Variants in RLN3 observed in about 807,000 individuals in gnomAD.
RLN3 encodes relaxin-3.
A neutral mutation model predicts 10.2 loss-of-function variants in RLN3; 13 were observed. The observed-to-expected ratio is 1.28, with a 90% confidence interval of 0.83 to 2.03. The LOEUF (loss-of-function observed/expected upper bound fraction) is 2.03, where lower values mean the gene tolerates loss of function less well. Ranked by LOEUF, RLN3 falls within the 30% of genes most tolerant of loss-of-function variation. The probability of loss-of-function intolerance (pLI) is 0.00; values close to 1 mark genes in which losing one functional copy is unlikely to be tolerated. For synonymous variants in RLN3, 56 were observed against 79.2 expected, an observed-to-expected ratio of 0.71 and a Z score of 1.56; for missense variants, 191 against 187.2, an observed-to-expected ratio of 1.02 and a Z score of -0.12.
chr19:14,028,570 G>C (rs79308192), intron 1 of RLN3, among the ~76,000 whole-genome samples, 176 bp downstream of exon 1: 8,430 of 151,846 alleles, frequency 0.056, 259 homozygotes, highest in Middle Eastern at 0.095. Flanking sequence ...CAGAGCTGCA[G>C]AGCTGGGATG....
rs762230196 is a variant in RLN3, at chr19:14,030,855, G to A, written c.336G>A (p.Gly112=). 1.2e-6 allele frequency: 2 copies of A among 1,612,720 alleles called. No homozygotes were observed. Among genetic ancestry groups the A allele is most frequent in the Non-Finnish European group, 1.7e-6 (2 of 1,178,940 alleles). The change falls in exon 2 of 2, where the codon GGG becomes GGA. Residue 112 remains glycine (G), a synonymous_variant. Transcript: ENST00000431365. ...GACCCAGCTGGCAAGGAACCCCTGG[G>A]GTTCTTCGGGGCAGCCGAGATGTCC... is the stretch of plus-strand genomic sequence containing the variant. ...RGRPSWQGTP[G]VLRGSRDVLA...
chr19:14,028,273 T>G lies in RLN3; in HGVS notation c.69T>G (p.Ala23=), dbSNP rs767648867. The G allele has an allele frequency of 6.2e-7, 1 of 1,613,558 alleles. No homozygotes were observed. The highest frequency in any genetic ancestry group is 8.5e-7 in the Non-Finnish European group (1 of 1,179,890). ...TGACCGGGGAGCTGTGGCCGGGAGC[T>G]GAGGCCCGGGCAGCGCCTTACGGGG... The part of the protein sequence containing the change: ...WVLTGELWPG[A]EARAAPYGVR... Residue 23 remains alanine, a synonymous_variant, in exon 1 of 2, where the codon GCT becomes GCG. Transcript: ENST00000431365.
Position 14,030,858 on chromosome 19 carries a change from T to A in RLN3, c.339T>A (p.Val113=), listed in dbSNP as rs1975793867. ...CCAGCTGGCAAGGAACCCCTGGGGTTCTTCGGGGCAGCCGAGATGTCCTGG... is the reference window on the plus strand; with the variant it reads ...CCAGCTGGCAAGGAACCCCTGGGGTACTTCGGGGCAGCCGAGATGTCCTGG... The part of the protein sequence containing the change: ...GRPSWQGTPG[V]LRGSRDVLAG... Residue 113 remains valine, a synonymous_variant, in exon 2 of 2, where the codon GTT becomes GTA. Coordinates refer to ENST00000431365, the MANE Select transcript of RLN3 (RefSeq NM_080864.4). 1 of 1,612,194 alleles carries A rather than the reference T, an allele frequency of 6.2e-7. No individual in the cohort carries two copies. The highest frequency in any genetic ancestry group is 1.3e-5 in the African/African-American group (1 of 74,908).
Position 14,028,444 on chromosome 19 carries a change from G to T in RLN3, c.190+50G>T, listed in dbSNP as rs200919037. On this transcript the variant is annotated intron_variant, in intron 1 of 1. Coordinates refer to ENST00000431365, the MANE Select transcript of RLN3 (RefSeq NM_080864.4). Reference sequence around the variant, plus strand: ...TAGAAGGGGAACAGGTGGCTGGATGGGTCCCAGGAGCTAAGGACAGAGATA... The same window carrying T: ...TAGAAGGGGAACAGGTGGCTGGATGTGTCCCAGGAGCTAAGGACAGAGATA... The T allele has an allele frequency of 6.6e-6, 10 of 1,519,930 alleles. No individual in the cohort carries two copies. The Admixed American group carries it at 1.5e-4, about 22-fold the overall frequency. 94.2% of individuals were successfully genotyped at this position (1,519,930 alleles called of 1,614,324 possible). A position where few individuals can be genotyped will look rare whatever the true frequency, so the allele number is the denominator to read the frequency against.
intron 1 of RLN3, among the ~76,000 whole-genome samples, chr19:14,029,547 C>T (rs951434349): frequency 2.6e-5 from 4 of 151,718 alleles, no homozygotes; most frequent in African/African-American, 9.7e-5. Context: ...GAGACAGTTT[C>T]ACCATGTTGG....
At chr19:14,030,214 G>T (rs1975777230) in intron 1 of RLN3, 1 of 699,584 alleles carries the variant, frequency 1.4e-6, no homozygotes, top group African/African-American at 1.8e-5. Context: ...ACTTGAGAAG[G>T]TTGGAGTAAT....
Position 14,030,981 on chromosome 19 carries a change from C to A in RLN3, c.*33C>A. 1 of 1,415,210 alleles carries A rather than the reference C, an allele frequency of 7.1e-7. No homozygotes were observed. The highest frequency in any genetic ancestry group is 9.7e-7 in the Non-Finnish European group (1 of 1,035,192). The allele number at this position is 1,415,210 out of a possible 1,614,324, so 87.7% of individuals were successfully genotyped here. A position where few individuals can be genotyped will look rare whatever the true frequency, so the allele number is the denominator to read the frequency against. ...GCTGGGCAGCCGTGGGCACCAGGAC[C>A]AATGCCCCAGTCCTGCCATCCACTC... On this transcript the variant is annotated 3_prime_UTR_variant, in exon 2 of 2. Transcript: ENST00000431365.
At chr19:14,029,092 G>A (rs1318754643) in intron 1 of RLN3, among the ~76,000 whole-genome samples, 1 of 152,064 alleles carries the variant, frequency 6.6e-6, no homozygotes, top group Non-Finnish European at 1.5e-5. Context: ...GGGAGACACA[G>A]TTCCTGAATC....
At position 14,031,010 on chromosome 19, in the gene RLN3, T is replaced by A; in HGVS notation, c.*62T>A. ...GCCCCAGTCCTGCCATCCACTCAACTAGTGTCTGGCTGGGCACCTGTCTTT... is the reference window on the plus strand; with the variant it reads ...GCCCCAGTCCTGCCATCCACTCAACAAGTGTCTGGCTGGGCACCTGTCTTT... On this transcript the variant is annotated 3_prime_UTR_variant, in exon 2 of 2. Coordinates refer to ENST00000431365, the MANE Select transcript of RLN3 (RefSeq NM_080864.4). 1.7e-6 allele frequency: 2 copies of A among 1,152,794 alleles called. No individual in the cohort carries two copies. Among genetic ancestry groups the A allele is most frequent in the Non-Finnish European group, 2.5e-6 (2 of 802,698 alleles). 71.4% of individuals were successfully genotyped at this position (1,152,794 alleles called of 1,614,324 possible).
Position 14,030,848 on chromosome 19 carries a change from C to T in RLN3, c.329C>T (p.Thr110Ile). 1 of 1,613,156 alleles carries T rather than the reference C, an allele frequency of 6.2e-7. No individual in the cohort carries two copies. The highest frequency in any genetic ancestry group is 8.5e-7 in the Non-Finnish European group (1 of 1,179,282). Reference sequence around the variant, plus strand: ...AGGGGGCGACCCAGCTGGCAAGGAACCCCTGGGGTTCTTCGGGGCAGCCGA... The same window carrying T: ...AGGGGGCGACCCAGCTGGCAAGGAATCCCTGGGGTTCTTCGGGGCAGCCGA... ...FYRGRPSWQGTPGVLRGSRDV... is the reference protein window; with the variant it reads ...FYRGRPSWQGIPGVLRGSRDV... The change falls in exon 2 of 2, where the codon ACC becomes ATC. Residue 110 changes from threonine (T) to isoleucine (I), a missense_variant. Coordinates refer to ENST00000431365, the MANE Select transcript of RLN3 (RefSeq NM_080864.4).
rs765995910 is a variant in RLN3, at chr19:14,028,176, C to T, written c.-29C>T. 6.6e-7 allele frequency: 1 copy of T among 1,522,996 alleles called. No homozygotes were observed. Among genetic ancestry groups the T allele is most frequent in the East Asian group, 2.3e-5 (1 of 43,350 alleles). The allele number at this position is 1,522,996 out of a possible 1,614,324, so 94.3% of individuals were successfully genotyped here. ...AAGAGGCAGCAGAGACACTGGCCCA[C>T]TCTCACGTTCAAAGCATCTCCGTCC... On this transcript the variant is annotated 5_prime_UTR_variant, in exon 1 of 2. Transcript: ENST00000431365.
At chr19:14,030,558 G>A in intron 1 of RLN3, 152 bp from the exon 2 acceptor site, 3 of 769,624 alleles carry the variant, frequency 3.9e-6, no homozygotes, top group South Asian at 1.5e-5. Context: ...CTCTGGCAGA[G>A]CCAGAATTTG....
At position 14,028,250 on chromosome 19, in the gene RLN3, A is replaced by AGCTC; in HGVS notation, c.46_47insGCTC (p.Thr16SerfsTer10). Reference sequence around the variant, plus strand: ...GCTGCTCCTGGCGGTATGGGTGCTGACCGGGGAGCTGTGGCCGGGAGCTGA... The same window carrying AGCTC: ...GCTGCTCCTGGCGGTATGGGTGCTGAGCTCCCGGGGAGCTGTGGCCGGGAGCTGA... On this transcript the variant is annotated frameshift_variant, in exon 1 of 2. Coordinates refer to ENST00000431365, the MANE Select transcript of RLN3 (RefSeq NM_080864.4). LOFTEE classifies it high-confidence loss of function. 6 of 1,612,306 alleles carry AGCTC rather than the reference A, an allele frequency of 3.7e-6. No homozygotes were observed. The highest frequency in any genetic ancestry group is 5.1e-6 in the Non-Finnish European group (6 of 1,179,350).
At chr19:14,030,572 C>T in intron 1 of RLN3, 138 bp from the exon 2 acceptor site, 1 of 832,016 alleles carries the variant, frequency 1.2e-6, no homozygotes. Context: ...GAATTTGAAC[C>T]CAGGACTGGG....
chr19:14,029,633 G>C (rs1975766547), intron 1 of RLN3, among the ~76,000 whole-genome samples: 1 of 151,850 alleles, frequency 6.6e-6, no homozygotes. Context: ...TTACAGGCAT[G>C]AGCCACCGCG....
At position 14,031,510 on chromosome 19, in the gene RLN3, C is replaced by G. The variant is rs1474953289; in HGVS notation, c.*562C>G. The G allele has an allele frequency of 3.2e-6, 1 of 308,972 alleles. No homozygotes were observed. The highest frequency in any genetic ancestry group is 6.8e-5 in the East Asian group (1 of 14,620). 19.1% of individuals were successfully genotyped at this position (308,972 alleles called of 1,614,324 possible). A position where few individuals can be genotyped will look rare whatever the true frequency, so the allele number is the denominator to read the frequency against. On this transcript the variant is annotated 3_prime_UTR_variant, in exon 2 of 2. Coordinates refer to ENST00000431365, the MANE Select transcript of RLN3 (RefSeq NM_080864.4). ...CCCCTAGGAGAGCTCTGGGCACATT[C>G]GAATCTTCCCAAACTCCAATAATAA...
In RLN3 at chr19:14,028,242, G is replaced by A. The variant is rs1290712619; in HGVS notation, c.38G>A (p.Trp13Ter). 6.2e-7 allele frequency: 1 copy of A among 1,610,094 alleles called. No individual in the cohort carries two copies. Among genetic ancestry groups the A allele is most frequent in the Middle Eastern group, 1.7e-4 (1 of 6,030 alleles). ...ATGCTGCTGCTGCTCCTGGCGGTATGGGTGCTGACCGGGGAGCTGTGGCCG... is the reference window on the plus strand; with the variant it reads ...ATGCTGCTGCTGCTCCTGGCGGTATAGGTGCTGACCGGGGAGCTGTGGCCG... ...RYMLLLLLAV[W>*]VLTGELWPGA... is the part of the protein sequence containing the mutation. The change falls in exon 1 of 2, where the codon TGG becomes TAG. Residue 13 changes from tryptophan to a stop codon, truncating the protein, a stop_gained. Coordinates refer to ENST00000431365, the MANE Select transcript of RLN3 (RefSeq NM_080864.4). LOFTEE classifies it high-confidence loss of function.
intron 1 of RLN3, among the ~76,000 whole-genome samples, chr19:14,028,914 A>G (rs551949202): frequency 2.7e-4 from 41 of 152,124 alleles, no homozygotes; most frequent in Middle Eastern, 3.4e-3. Flanking sequence ...AGTTGAGACC[A>G]CAGGCACCTG....
rs1975747472 is a variant in RLN3 at position 14,028,344 on chromosome 19, G to T, written c.140G>T (p.Cys47Phe). 6.2e-7 allele frequency: 1 copy of T among 1,613,970 alleles called. No individual in the cohort carries two copies. The highest frequency in any genetic ancestry group is 8.5e-7 in the Non-Finnish European group (1 of 1,179,970). Reference sequence around the variant, plus strand: ...TTCATCCGAGCAGTCATCTTCACCTGCGGGGGCTCCCGGTGGAGACGATCA... The same window carrying T: ...TTCATCCGAGCAGTCATCTTCACCTTCGGGGGCTCCCGGTGGAGACGATCA... ...REFIRAVIFT[C>F]GGSRWRRSDI... is the part of the protein sequence containing the mutation. Residue 47 changes from cysteine to phenylalanine, a missense_variant, in exon 1 of 2, where the codon TGC becomes TTC. Transcript: ENST00000431365.
Sources: allele counts gnomAD v4.1 joint callset (sites outside exome capture counted in the v4.1 genomes callset), GRCh38; gene constraint gnomAD v4.1.1; transcripts MANE v1.5; gene names NCBI Gene and HGNC (gene_info 2026-07-23, HGNC 2026-07-21).